Variants in CELSR1 observed in about 807,000 individuals in gnomAD.
The protein encoded by CELSR1 is cadherin EGF LAG seven-pass G-type receptor 1, also known as adhesion G protein-coupled receptor C1.
A neutral mutation model predicts 249.1 loss-of-function variants in CELSR1; 110 were observed. That is an observed-to-expected ratio of 0.44 (90% CI 0.38 to 0.52). The LOEUF (loss-of-function observed/expected upper bound fraction) is 0.52. Ranked by LOEUF, CELSR1 falls within the 20% of genes least tolerant of loss-of-function variation. The pLI is 0.00. For synonymous variants in CELSR1, 2,113 were observed against 1,900.0 expected (o/e 1.11, Z -2.92); for missense variants, 4,109 against 4,296.4 (o/e 0.96, Z 1.22).
rs1257897945 is a variant in CELSR1, at chr22:46,472,012, C to T, written c.3545-7667G>A. On this transcript the variant is annotated intron_variant, in intron 1 of 34. Coordinates refer to ENST00000674500, the MANE Select transcript of CELSR1 (RefSeq NM_001378328.1). This position sits in a 1 kb window ranked among gnomAD's most constrained non-coding sequence, Gnocchi z 7.0. ...TGCTTGATTCCGGGAGGCACGGCAC[C>T]CACCCAGCACTCTCTCTGCCCGTGC... 6.6e-6 allele frequency among the ~76,000 whole-genome samples: 1 copy of T among 152,130 alleles called. No individual in the cohort carries two copies. The highest frequency in any genetic ancestry group is 1.5e-5 in the Non-Finnish European group (1 of 68,024).
chr22:46,399,601 T>A lies in CELSR1; in HGVS notation c.5412+116A>T. The A allele has an allele frequency of 9.7e-7, 1 of 1,030,832 alleles. No homozygotes were observed. The highest frequency in any genetic ancestry group is 1.5e-6 in the Non-Finnish European group (1 of 688,678). 63.9% of individuals were successfully genotyped at this position (1,030,832 alleles called of 1,614,324 possible). A position where few individuals can be genotyped will look rare whatever the true frequency, so the allele number is the denominator to read the frequency against. On this transcript the variant is annotated intron_variant, in intron 10 of 34. Transcript: ENST00000674500. The surrounding 1 kb of genome is among the most constrained non-coding windows in gnomAD (Gnocchi z 5.0). ...AGCCCACCTGCGGGGACCCAGAAAG[T>A]GCCTCCCCAAATCCACAAGGTCTCT...
At chr22:46,379,294 G>A (rs1010126044) in intron 22 of CELSR1, among the ~76,000 whole-genome samples, 2 of 152,182 alleles carry the variant, frequency 1.3e-5, no homozygotes, top group African/African-American at 4.8e-5. Context: ...ATAACAAGGT[G>A]TTATAAGGTG....
intron 1 of CELSR1, among the ~76,000 whole-genome samples, chr22:46,469,999 G>GATGAGGGGAGGGAGGGAGGA (rs1351904268): frequency 7.4e-6 from 1 of 134,640 alleles, no homozygotes. Context: ...AGGGAGGGAG[G>GATGAGGGGAGGGAGGGAGGA]GAGAGGCAAA....
intron 25 of CELSR1, among the ~76,000 whole-genome samples, chr22:46,371,072 A>C (rs1372523149): frequency 6.6e-6 from 1 of 152,120 alleles, no homozygotes; most frequent in Non-Finnish European, 1.5e-5. Flanking sequence ...TAAGCACCTA[A>C]TCTAGGCAAG....
Position 46,381,442 on chromosome 22 carries a change from C to T in CELSR1, c.7088+404G>A, listed in dbSNP as rs1453823496. Among the ~76,000 whole-genome samples the T allele has an allele frequency of 6.6e-6, 1 of 152,182 alleles. No homozygotes were observed. Among genetic ancestry groups the T allele is most frequent in the Non-Finnish European group, 1.5e-5 (1 of 68,034 alleles). ...CACCGAGCAGGTTGCAAAGCTGCTT[C>T]TGGGACATTCATCCTTTCCAGCCAG... On this transcript the variant is annotated intron_variant, in intron 21 of 34. Transcript: ENST00000674500. This position sits in a 1 kb window ranked among gnomAD's most constrained non-coding sequence, Gnocchi z 6.0.
chr22:46,469,292 G>T (rs1423039399), intron 1 of CELSR1, among the ~76,000 whole-genome samples: 1 of 152,090 alleles, frequency 6.6e-6, no homozygotes, highest in Non-Finnish European at 1.5e-5. Flanking sequence ...CTGTCCTGTG[G>T]TCTGCGTGAT....
At chr22:46,397,199 G>A (rs1016696835) in intron 12 of CELSR1, among the ~76,000 whole-genome samples, 2 of 151,372 alleles carry the variant, frequency 1.3e-5, no homozygotes, top group African/African-American at 4.9e-5. Flanking sequence ...TGCCTAAGAA[G>A]CTCAAGTGAT....
chr22:46,448,611 C>T lies in CELSR1; in HGVS notation c.4184-9200G>A, dbSNP rs1276738867. The T allele has an allele frequency of 4.7e-6, 2 of 425,024 alleles. No individual in the cohort carries two copies. Among genetic ancestry groups the T allele is most frequent in the East Asian group, 1.5e-4 (2 of 13,776 alleles). The allele number at this position is 425,024 out of a possible 1,614,324, so 26.3% of individuals were successfully genotyped here. A position where few individuals can be genotyped will look rare whatever the true frequency, so the allele number is the denominator to read the frequency against. On this transcript the variant is annotated intron_variant, in intron 2 of 34. Coordinates refer to ENST00000674500, the MANE Select transcript of CELSR1 (RefSeq NM_001378328.1). The surrounding 1 kb of genome is among the most constrained non-coding windows in gnomAD (Gnocchi z 5.7). ...GAAAAACTAGAATTTCCAAAGGCCA[C>T]AATGGTAAAACTCAAGCACTTGATG...
At position 46,437,716 on chromosome 22, in the gene CELSR1, T is replaced by A. The variant is rs1192965187; in HGVS notation, c.4407-1427A>T. ...CAGTGAGCCGAGATCATACCACCAC[T>A]GCACTCCAGCCTGGCAACAAAGCAA... On this transcript the variant is annotated intron_variant, in intron 3 of 34. Coordinates refer to ENST00000674500, the MANE Select transcript of CELSR1 (RefSeq NM_001378328.1). The surrounding 1 kb of genome is among the most constrained non-coding windows in gnomAD (Gnocchi z 4.9). Among the ~76,000 whole-genome samples, 1 of 148,452 alleles carries A rather than the reference T, an allele frequency of 6.7e-6. No homozygotes were observed. Among genetic ancestry groups the A allele is most frequent in the African/African-American group, 2.5e-5 (1 of 39,448 alleles).
intron 1 of CELSR1, among the ~76,000 whole-genome samples, chr22:46,491,786 G>A (rs889557154): frequency 7.9e-5 from 12 of 150,994 alleles, no homozygotes; most frequent in African/African-American, 2.4e-4. Context: ...AGGCGCACAC[G>A]CCACCACGCC....
At chr22:46,499,392 T>G (rs962892816) in intron 1 of CELSR1, among the ~76,000 whole-genome samples, 2 of 152,216 alleles carry the variant, frequency 1.3e-5, no homozygotes, top group African/African-American at 4.8e-5. Context: ...GGCTACTTAG[T>G]ACCCATCAGA....
At chr22:46,521,914 G>A (rs866706569) in intron 1 of CELSR1, among the ~76,000 whole-genome samples, 7 of 152,110 alleles carry the variant, frequency 4.6e-5, no homozygotes, top group African/African-American at 1.2e-4. Flanking sequence ...CATATTTTGC[G>A]GAACCTCCAT....
At position 46,381,956 on chromosome 22, in the gene CELSR1, C is replaced by T. The variant is rs1180771319; in HGVS notation, c.6978G>A (p.Arg2326=). ...GTEREAPISR[R]RRHPDDAGQF... is the part of the protein sequence containing the mutation. Reference sequence around the variant, plus strand: ...GGCCAGCGTCATCAGGGTGTCGCCTCCGCCTGCTGATCGGGGCCTCCCTCT... The same window carrying T: ...GGCCAGCGTCATCAGGGTGTCGCCTTCGCCTGCTGATCGGGGCCTCCCTCT... Residue 2326 remains arginine (R), a synonymous_variant, in exon 21 of 35, where the codon CGG becomes CGA. Transcript: ENST00000674500. The surrounding 1 kb of genome is among the most constrained non-coding windows in gnomAD (Gnocchi z 6.0). The T allele has an allele frequency of 6.4e-7, 1 of 1,564,694 alleles. No homozygotes were observed. The highest frequency in any genetic ancestry group is 8.6e-7 in the Non-Finnish European group (1 of 1,156,954).
At chr22:46,431,668 G>A (rs2079597153) in intron 5 of CELSR1, among the ~76,000 whole-genome samples, 1 of 152,214 alleles carries the variant, frequency 6.6e-6, no homozygotes, top group Admixed American at 6.5e-5. Flanking sequence ...GCAGCGCCAG[G>A]CAGCAGGACG....
Position 46,397,743 on chromosome 22 carries a change from A to ATTGGG in CELSR1, c.5631_5632insCCCAA (p.Ser1878ProfsTer30). ...CGGCTATTGGGGGGACAGGGGCTCGAGGTACAGGGGTCGTCCACATCACAG... is the reference window on the plus strand; with the variant it reads ...CGGCTATTGGGGGGACAGGGGCTCGATTGGGGGTACAGGGGTCGTCCACATCACAG... On this transcript the variant is annotated frameshift_variant, in exon 12 of 35. Coordinates refer to ENST00000674500, the MANE Select transcript of CELSR1 (RefSeq NM_001378328.1). LOFTEE classifies it high-confidence loss of function. 1 of 1,593,168 alleles carries ATTGGG rather than the reference A, an allele frequency of 6.3e-7. No homozygotes were observed. Among genetic ancestry groups the ATTGGG allele is most frequent in the Non-Finnish European group, 8.6e-7 (1 of 1,168,938 alleles).
In CELSR1 at chr22:46,363,858, A is replaced by C. The variant is rs2078733455; in HGVS notation, c.9035+138T>G. The C allele has an allele frequency of 2.5e-6, 3 of 1,195,900 alleles. No homozygotes were observed. Among genetic ancestry groups the C allele is most frequent in the Non-Finnish European group, 3.4e-6 (3 of 888,162 alleles). 74.1% of individuals were successfully genotyped at this position (1,195,900 alleles called of 1,614,324 possible). A position where few individuals can be genotyped will look rare whatever the true frequency, so the allele number is the denominator to read the frequency against. ...AGCTGCAGCGCCTCCCCCCTCCCCC[A>C]TCCCCGCCTGGGCTTCCTCTGCACT... On this transcript the variant is annotated intron_variant, in intron 34 of 34. Coordinates refer to ENST00000674500, the MANE Select transcript of CELSR1 (RefSeq NM_001378328.1). The surrounding 1 kb of genome is among the most constrained non-coding windows in gnomAD (Gnocchi z 4.3).
chr22:46,496,225 C>A (rs2080412423), intron 1 of CELSR1, among the ~76,000 whole-genome samples: 1 of 149,228 alleles, frequency 6.7e-6, no homozygotes, highest in Non-Finnish European at 1.5e-5. Context: ...AAAATTGACT[C>A]TTTTGTAACA....
rs1324826000 is a variant in CELSR1, at chr22:46,380,223, C to G, written c.7256+565G>C. On this transcript the variant is annotated intron_variant, in intron 22 of 34. Transcript: ENST00000674500. The surrounding 1 kb of genome is among the most constrained non-coding windows in gnomAD (Gnocchi z 5.1). ...ATGCTAGAACACAGATTCTCGCGCA[C>G]AGATTCTCCTGCGTTCGCCACTCTG... Among the ~76,000 whole-genome samples the G allele has an allele frequency of 6.6e-6, 1 of 152,228 alleles. No individual in the cohort carries two copies. Among genetic ancestry groups the G allele is most frequent in the Non-Finnish European group, 1.5e-5 (1 of 68,036 alleles).
intron 9 of CELSR1, among the ~76,000 whole-genome samples, chr22:46,404,654 A>G (rs1333878390): frequency 2.6e-5 from 4 of 152,018 alleles, no homozygotes; most frequent in Non-Finnish European, 5.9e-5. Flanking sequence ...ACACCTGGCT[A>G]ATTTTTGTAT....
Sources: allele counts gnomAD v4.1 joint callset (sites outside exome capture counted in the v4.1 genomes callset), GRCh38; gene constraint gnomAD v4.1.1; non-coding constraint Gnocchi (gnomAD v3.1); transcripts MANE v1.5; gene names NCBI Gene and HGNC (gene_info 2026-07-23, HGNC 2026-07-21).